SYNE1: variants seen among roughly 807,000 people sequenced by gnomAD.
The protein encoded by SYNE1 is spectrin repeat containing nuclear envelope protein 1, also known as nesprin-1.
A neutral mutation model predicts 1,111.0 loss-of-function variants in SYNE1; 616 were observed. The observed-to-expected ratio is 0.55, with a 90% CI of 0.52 to 0.59. The LOEUF is 0.59. Among genes scored for constraint, SYNE1 ranks in the 20% least tolerant of loss-of-function variants. The probability of loss-of-function intolerance (pLI) is 0.00; values close to 1 mark genes in which losing one functional copy is unlikely to be tolerated. For synonymous variants in SYNE1, 3,855 were observed against 3,825.8 expected, an observed-to-expected ratio of 1.01 and a Z score of -0.28; for missense variants, 10,006 against 10,417.0, an observed-to-expected ratio of 0.96 and a Z score of 1.72.
At chr6:152,209,022 A>G (rs1248027884) in intron 124 of SYNE1, among the ~76,000 whole-genome samples, 1 of 152,224 alleles carries the variant, frequency 6.6e-6, no homozygotes, top group African/African-American at 2.4e-5. Flanking sequence ...TATTTAATTT[A>G]TGGCTCTAGA....
rs1234118786 is a variant in SYNE1, at chr6:152,444,515, G to A, written c.3733C>T (p.Leu1245Phe). Residue 1245 changes from leucine to phenylalanine, a missense_variant, in exon 30 of 146, where the codon CTC (leucine) becomes TTC (phenylalanine). Physicochemically the swap from Leu to Phe is conservative, Grantham distance 22. This residue lies in a region of SYNE1 where 1,971 missense variants were observed against 2,084.1 expected (regional missense o/e 0.95). Coordinates refer to ENST00000367255, the MANE Select transcript of SYNE1 (RefSeq NM_182961.4). Reference protein sequence around the residue: ...VQYKEIVKNSLEELISGSKEV... With the variant: ...VQYKEIVKNSFEELISGSKEV... ...TTAGAGCCAGAAATTAATTCTTCGA[G>A]AGAATTTTTGACTATTTCTTTGTAC... 4 of 1,613,484 alleles carry A rather than the reference G, an allele frequency of 2.5e-6. No homozygotes were observed. The highest frequency in any genetic ancestry group is 3.4e-6 in the Non-Finnish European group (4 of 1,179,794).
intron 74 of SYNE1, among the ~76,000 whole-genome samples, chr6:152,342,682 A>G (rs1169434509): frequency 2.0e-5 from 3 of 152,236 alleles, no homozygotes; most frequent in African/African-American, 7.2e-5. Context: ...AACCTTTATA[A>G]CTAAATTCCT....
chr6:152,573,197 T>A (rs2099474197), intron 3 of SYNE1, among the ~76,000 whole-genome samples: 1 of 152,030 alleles, frequency 6.6e-6, no homozygotes, highest in South Asian at 2.1e-4. Context: ...TTATTATTAT[T>A]ATACTTTAAG....
At position 152,135,150 on chromosome 6, in the gene SYNE1, G is replaced by A. The variant is rs1272428675; in HGVS notation, c.25742C>T (p.Ser8581Phe). The change falls in exon 142 of 146, where the codon TCT becomes TTT. Residue 8581 changes from serine to phenylalanine, a missense_variant. Physicochemically the swap from Ser to Phe is radical, Grantham distance 155. Around this residue, in one of 7 missense-constraint regions of SYNE1, gnomAD observed 761 missense variants for 795.5 expected, o/e 0.96. Transcript: ENST00000367255. ...CTGAAGTATCTCTGCATCAAGGTTA[G>A]AATCAATAGGGACAATTTCATTTTT... ...RRKNEIVPID[S>F]NLDAEILQDH... 6.2e-7 allele frequency: 1 copy of A among 1,614,146 alleles called. No homozygotes were observed. The highest frequency in any genetic ancestry group is 8.5e-7 in the Non-Finnish European group (1 of 1,180,010).
chr6:152,451,273 TG>T, intron 25 of SYNE1, 68 bp from the exon 26 acceptor site: 1 of 1,485,076 alleles, frequency 6.7e-7, no homozygotes, highest in Non-Finnish European at 9.0e-7. Flanking sequence ...CCAATTGAAG[TG>T]GCAAAAAAAA....
intron 46 of SYNE1, among the ~76,000 whole-genome samples, chr6:152,402,217 C>T (rs1386579062): frequency 6.6e-6 from 1 of 152,118 alleles, no homozygotes; most frequent in Non-Finnish European, 1.5e-5. Context: ...TCCCATAGGC[C>T]TTGGTCTTGT....
Position 152,225,799 on chromosome 6 carries a change from G to C in SYNE1, c.21273C>G (p.Asn7091Lys). Residue 7091 changes from asparagine to lysine, a missense_variant, in exon 116 of 146, where the codon AAC becomes AAG. Physicochemically the swap from Asn to Lys is moderately conservative, Grantham distance 94. Coordinates refer to ENST00000367255, the MANE Select transcript of SYNE1 (RefSeq NM_182961.4). ...IEQNGLALIQNKKEDVSSIVM... is the reference protein window; with the variant it reads ...IEQNGLALIQKKKEDVSSIVM... ...CAATGCTAGAGACGTCTTCTTTCTTGTTCTGAATCAAAGCAAGTCCATTCT... is the reference window on the plus strand; with the variant it reads ...CAATGCTAGAGACGTCTTCTTTCTTCTTCTGAATCAAAGCAAGTCCATTCT... The C allele has an allele frequency of 6.2e-7, 1 of 1,614,030 alleles. No individual in the cohort carries two copies. The highest frequency in any genetic ancestry group is 2.2e-5 in the East Asian group (1 of 44,862).
chr6:152,530,461 T>A (rs897625484), intron 4 of SYNE1, among the ~76,000 whole-genome samples: 2 of 135,440 alleles, frequency 1.5e-5, no homozygotes, highest in African/African-American at 5.2e-5. Flanking sequence ...AAGAACCTAA[T>A]TGTATGGTTT....
At chr6:152,307,317 G>A (rs1275506136) in intron 91 of SYNE1, among the ~76,000 whole-genome samples, 1 of 152,158 alleles carries the variant, frequency 6.6e-6, no homozygotes, top group East Asian at 1.9e-4. Flanking sequence ...TGCATTTGGA[G>A]AAGAGGGTGA....
intron 22 of SYNE1, among the ~76,000 whole-genome samples, chr6:152,457,030 A>G (rs2154259572): frequency 6.6e-6 from 1 of 152,280 alleles, no homozygotes; most frequent in South Asian, 2.1e-4. Flanking sequence ...TTATGGAAAG[A>G]TTGTATAATG....
chr6:152,455,400 A>C lies in SYNE1; in HGVS notation c.2892+26T>G, dbSNP rs754969343. 9.3e-6 allele frequency: 15 copies of C among 1,607,526 alleles called. No homozygotes were observed. The African/African-American group carries it at 1.9e-4, about 20-fold the overall frequency. On this transcript the variant is annotated intron_variant, in intron 24 of 145. Transcript: ENST00000367255. ...GGTTGTTTGTCCATGTATTCAGGTC[A>C]AGTGTCCCCTAAAGGGTGGACTCAC...
chr6:152,515,702 T>C (rs2099108001), intron 6 of SYNE1, among the ~76,000 whole-genome samples: 1 of 152,188 alleles, frequency 6.6e-6, no homozygotes, highest in Admixed American at 6.5e-5. Context: ...TGAATTTATG[T>C]CCCCTGTCTG....
At chr6:152,147,042 A>C (rs2059627718) in intron 137 of SYNE1, 1 of 151,908 alleles carries the variant, frequency 6.6e-6, no homozygotes, top group South Asian at 2.1e-4. Context: ...TCACAGCCCC[A>C]CCTCCCTTGC....
rs1006133834 is a variant in SYNE1 at position 152,251,690 on chromosome 6, C to T, written c.19471-2428G>A. Reference sequence around the variant, plus strand: ...AGGAGAATGGCGTGAACCTGGGAGGCGGAGCTTGCAGTGAGCCGAGATCCC... The same window carrying T: ...AGGAGAATGGCGTGAACCTGGGAGGTGGAGCTTGCAGTGAGCCGAGATCCC... On this transcript the variant is annotated intron_variant, in intron 104 of 145. Coordinates refer to ENST00000367255, the MANE Select transcript of SYNE1 (RefSeq NM_182961.4). Among the ~76,000 whole-genome samples the T allele has an allele frequency of 4.0e-5, 6 of 151,422 alleles. No individual in the cohort carries two copies. The South Asian group carries it at 1.3e-3, about 32-fold the overall frequency.
At chr6:152,590,110 T>C (rs997321350) in intron 3 of SYNE1, among the ~76,000 whole-genome samples, 15 of 150,588 alleles carry the variant, frequency 1.0e-4, no homozygotes, top group Admixed American at 8.6e-4. Flanking sequence ...ATTATTATTA[T>C]TATTATTATT....
intron 116 of SYNE1, among the ~76,000 whole-genome samples, chr6:152,225,381 T>C (rs78231795): frequency 0.011 from 1,620 of 152,182 alleles, 32 homozygotes; most frequent in African/African-American, 0.036. Context: ...TATTTATCTC[T>C]GTCAGAAAAG....
chr6:152,566,863 C>A (rs2099415183), intron 3 of SYNE1, among the ~76,000 whole-genome samples: 3 of 152,080 alleles, frequency 2.0e-5, no homozygotes, highest in Admixed American at 6.6e-5. Flanking sequence ...TGTTTTTCAA[C>A]ATATGATTTT....
chr6:152,142,089 T>A (rs549858800), intron 138 of SYNE1, among the ~76,000 whole-genome samples: 7 of 151,810 alleles, frequency 4.6e-5, no homozygotes, highest in African/African-American at 1.7e-4. Flanking sequence ...AAAAAAAAAA[T>A]TAAATAAGCA....
At chr6:152,141,819 C>A (rs1336777466) in intron 138 of SYNE1, among the ~76,000 whole-genome samples, 2 of 152,006 alleles carry the variant, frequency 1.3e-5, no homozygotes, top group African/African-American at 4.8e-5. Context: ...GCCTCTAATC[C>A]CAGCACTTTG....
Sources: allele counts gnomAD v4.1 joint callset (sites outside exome capture counted in the v4.1 genomes callset), GRCh38; gene constraint gnomAD v4.1.1; regional missense constraint gnomAD v4.1.1; transcripts MANE v1.5; gene names NCBI Gene and HGNC (gene_info 2026-07-23, HGNC 2026-07-21).